FAN1: variants seen among roughly 807,000 people sequenced by gnomAD.
FAN1 encodes fanconi-associated nuclease 1.
Under a neutral mutation model 104.9 loss-of-function variants are expected in FAN1, and 91 were observed. The observed-to-expected ratio is 0.87, with a 90% CI of 0.73 to 1.03. The LOEUF (loss-of-function observed/expected upper bound fraction) is 1.03, where lower values mean the gene tolerates loss of function less well. FAN1 is among the 50% of genes least tolerant of loss of function. FAN1 has a pLI of 0.00. For synonymous variants in FAN1, 478 were observed against 457.6 expected (o/e 1.04, Z -0.57); for missense variants, 1,263 against 1,239.9 (o/e 1.02, Z -0.28).
intron 4 of FAN1, chr15:30,911,545 A>C (rs2062100611): frequency 1.0e-6 from 1 of 978,196 alleles, no homozygotes; most frequent in Non-Finnish European, 1.2e-6. Context: ...GGCAGACATT[A>C]AGAAAAATAT....
rs189429102 is a variant in FAN1, at chr15:30,939,247, C to T, written c.*3+1988C>T. On this transcript the variant is annotated intron_variant, in intron 14 of 14. Coordinates refer to ENST00000362065, the MANE Select transcript of FAN1 (RefSeq NM_014967.5). ...ATCAGTTTCCATCATAAAATAACAG[C>T]AAGACACTGTACACCTTTACGTTCA... 3.6e-3 allele frequency: 3,555 copies of T among 985,440 alleles called. 7 individuals are homozygous for T. Among genetic ancestry groups the T allele is most frequent in the Middle Eastern group, 4.2e-3 (8 of 1,914 alleles). 61.0% of individuals were successfully genotyped at this position (985,440 alleles called of 1,614,324 possible). A position where few individuals can be genotyped will look rare whatever the true frequency, so the allele number is the denominator to read the frequency against.
chr15:30,940,501 A>AG, intron 14 of FAN1: 1 of 985,480 alleles, frequency 1.0e-6, no homozygotes, highest in Non-Finnish European at 1.2e-6. Context: ...AGTTATTTCC[A>AG]GGGGGAAGTG....
Position 30,941,824 on chromosome 15 carries a change from GCACAGTTTC to G in FAN1, c.*271_*279del. On this transcript the variant is annotated 3_prime_UTR_variant, in exon 15 of 15. Coordinates refer to ENST00000362065, the MANE Select transcript of FAN1 (RefSeq NM_014967.5). ...GGGCCTCGGGAACCCAGCGGAAGTA[GCACAGTTTC>G]CACAGTTTTATGTGTGTTCCAGAGA... The G allele has an allele frequency of 2.5e-6, 4 of 1,614,072 alleles. No individual in the cohort carries two copies. Among genetic ancestry groups the G allele is most frequent in the Non-Finnish European group, 3.4e-6 (4 of 1,179,908 alleles).
intron 14 of FAN1, chr15:30,940,044 T>TATC (rs1249483497): frequency 2.3e-5 from 23 of 979,128 alleles, no homozygotes; most frequent in Non-Finnish European, 2.8e-5. Context: ...AAAATACAGT[T>TATC]ATCTTGAAAA....
At chr15:30,916,001 T>TCAAAA (rs2062191223) in intron 5 of FAN1, among the ~76,000 whole-genome samples, 1 of 152,210 alleles carries the variant, frequency 6.6e-6, no homozygotes, top group Admixed American at 6.5e-5. Context: ...AGAAGTAAGT[T>TCAAAA]ATTGAAATTT....
chr15:30,935,920 C>T (rs1016946455), intron 13 of FAN1, among the ~76,000 whole-genome samples: 5 of 151,948 alleles, frequency 3.3e-5, no homozygotes, highest in Non-Finnish European at 7.4e-5. Flanking sequence ...CCTAGGGTGC[C>T]GTTACATTTG....
Position 30,904,959 on chromosome 15 carries a change from C to G in FAN1, c.296C>G (p.Pro99Arg). The G allele has an allele frequency of 2.5e-6, 4 of 1,613,772 alleles. No homozygotes were observed. Among genetic ancestry groups the G allele is most frequent in the Non-Finnish European group, 2.5e-6 (3 of 1,179,866 alleles). Residue 99 changes from proline (P) to arginine (R), a missense_variant, in exon 2 of 15, where the codon CCT becomes CGT. By Grantham distance (103) the Pro-to-Arg change is moderately radical. Coordinates refer to ENST00000362065, the MANE Select transcript of FAN1 (RefSeq NM_014967.5). Reference sequence around the variant, plus strand: ...AGTGTTACCTTAGAAGATGTAACACCTAAGAAGTCACCACCACCAAAGACA... The same window carrying G: ...AGTGTTACCTTAGAAGATGTAACACGTAAGAAGTCACCACCACCAAAGACA... ...LTSVTLEDVT[P>R]KKSPPPKTNL... is the part of the protein sequence containing the mutation.
At position 30,929,832 on chromosome 15, in the gene FAN1, A is replaced by AAAATATATAATATATCAT. The variant is rs1555403212; in HGVS notation, c.2787+436_2787+437insAATATATAATATATCATA. On this transcript the variant is annotated intron_variant, in intron 12 of 14. Coordinates refer to ENST00000362065, the MANE Select transcript of FAN1 (RefSeq NM_014967.5). Reference sequence around the variant, plus strand: ...ATATATAATATATTATATCATATATAATATAATATATAAAATATATATCAT... The same window carrying AAAATATATAATATATCAT: ...ATATATAATATATTATATCATATATAAAATATATAATATATCATATATAATATATAAAATATATATCAT... Among the ~76,000 whole-genome samples, 55 of 65,482 alleles carry AAAATATATAATATATCAT rather than the reference A, an allele frequency of 8.4e-4. 5 individuals are homozygous for AAAATATATAATATATCAT. The highest frequency in any genetic ancestry group is 3.8e-3 in the African/African-American group (44 of 11,720). 43.0% of individuals were successfully genotyped at this position (65,482 alleles called of 152,430 possible).
chr15:30,938,795 T>TA lies in FAN1; in HGVS notation c.*3+1543dup, dbSNP rs561489357. 369 of 514,034 alleles carry TA rather than the reference T, an allele frequency of 7.2e-4. 1 individual carries two copies. Among genetic ancestry groups the TA allele is most frequent in the African/African-American group, 3.5e-3 (168 of 48,218 alleles). 31.8% of individuals were successfully genotyped at this position (514,034 alleles called of 1,614,324 possible). ...ACTTTAGCCACTTCCGAATTGCTGT[T>TA]AAAAAAAGTTACTGATCACTACCTG... is the stretch of plus-strand genomic sequence containing the variant. On this transcript the variant is annotated intron_variant, in intron 14 of 14. Transcript: ENST00000362065.
At chr15:30,923,609 C>G (rs2062388217) in intron 8 of FAN1, among the ~76,000 whole-genome samples, 1 of 152,204 alleles carries the variant, frequency 6.6e-6, no homozygotes, top group African/African-American at 2.4e-5. Flanking sequence ...AAGTGCTCTG[C>G]AGCCAGCCCC....
chr15:30,938,511 A>G (rs1319070976), intron 14 of FAN1, among the ~76,000 whole-genome samples: 2 of 152,066 alleles, frequency 1.3e-5, no homozygotes, highest in Non-Finnish European at 2.9e-5. Context: ...ATAACTAGAT[A>G]GGGGTATTTT....
intron 11 of FAN1, 70 bp from the exon 12 acceptor site, chr15:30,929,133 C>A: frequency 7.3e-7 from 1 of 1,378,666 alleles, no homozygotes; most frequent in Non-Finnish European, 1.0e-6. Flanking sequence ...TTTGTATGTA[C>A]TGACTAGTCC....
chr15:30,925,197 A>G lies in FAN1; in HGVS notation c.2243A>G (p.Gln748Arg). Residue 748 changes from glutamine (Q) to arginine (R), a missense_variant, in exon 9 of 15, where the codon CAG becomes CGG. By Grantham distance (43) the Gln-to-Arg change is conservative (BLOSUM62 1). Transcript: ENST00000362065. ...VRTGHRLSLY[Q>R]RAVRLRESPS... ...ACGGGACACCGCCTTTCACTGTATC[A>G]GCGAGCCGTGCGCCTGCGAGAGTCT... is the stretch of plus-strand genomic sequence containing the variant. 1.2e-6 allele frequency: 2 copies of G among 1,614,082 alleles called. No homozygotes were observed. Among genetic ancestry groups the G allele is most frequent in the Non-Finnish European group, 1.7e-6 (2 of 1,180,008 alleles).
chr15:30,933,802 G>A (rs2062780300), intron 13 of FAN1, among the ~76,000 whole-genome samples: 1 of 151,210 alleles, frequency 6.6e-6, no homozygotes, highest in African/African-American at 2.4e-5. Context: ...CTATCACCTA[G>A]GCTGGAGTGT....
chr15:30,913,683 C>G (rs1010786919), intron 4 of FAN1, among the ~76,000 whole-genome samples, 175 bp from the exon 5 acceptor site: 20 of 152,184 alleles, frequency 1.3e-4, no homozygotes, highest in Non-Finnish European at 2.5e-4. Context: ...GATGTACATT[C>G]ATTTACTCCT....
chr15:30,939,236 T>C (rs2062956195), intron 14 of FAN1: 12 of 985,440 alleles, frequency 1.2e-5, no homozygotes, highest in African/African-American at 1.7e-5. Flanking sequence ...GTTTCCATCA[T>C]AAAATAACAG....
chr15:30,942,787 G>A lies in FAN1; in HGVS notation c.*1225G>A, dbSNP rs936051516. 1.7e-6 allele frequency: 2 copies of A among 1,197,574 alleles called. No homozygotes were observed. The highest frequency in any genetic ancestry group is 1.7e-5 in the South Asian group (1 of 60,062). 74.2% of individuals were successfully genotyped at this position (1,197,574 alleles called of 1,614,324 possible). On this transcript the variant is annotated 3_prime_UTR_variant, in exon 15 of 15. Coordinates refer to ENST00000362065, the MANE Select transcript of FAN1 (RefSeq NM_014967.5). Reference sequence around the variant, plus strand: ...GACCCCTCAGAAACCCGCATTAGCAGTGTTACTCTTGGAAGTGCCTTTACT... The same window carrying A: ...GACCCCTCAGAAACCCGCATTAGCAATGTTACTCTTGGAAGTGCCTTTACT...
chr15:30,913,842 A>G lies in FAN1; in HGVS notation c.1578-16A>G, dbSNP rs1264145068. On this transcript the variant is annotated splice_polypyrimidine_tract_variant and intron_variant, in intron 4 of 14. Coordinates refer to ENST00000362065, the MANE Select transcript of FAN1 (RefSeq NM_014967.5). ...TTAAAAAGCTAAAAGTTATTTCTAC[A>G]TTGTACATTTTTCAGAGCCAAAGCC... The G allele has an allele frequency of 2.0e-6, 3 of 1,529,506 alleles. No individual in the cohort carries two copies. Among genetic ancestry groups the G allele is most frequent in the Admixed American group, 1.9e-5 (1 of 53,436 alleles). The allele number at this position is 1,529,506 out of a possible 1,614,324, so 94.7% of individuals were successfully genotyped here.
At chr15:30,929,484 A>C in intron 12 of FAN1, 87 bp downstream of exon 12, 1 of 867,778 alleles carries the variant, frequency 1.2e-6, no homozygotes, top group Non-Finnish European at 1.8e-6. Context: ...CAAAATACAC[A>C]TGTGTGTATA....
Sources: gnomAD v4.1 joint callset for allele counts (sites outside exome capture counted in the v4.1 genomes callset) on GRCh38, gnomAD v4.1.1 for gene constraint, MANE v1.5 for transcripts, NCBI Gene and HGNC (gene_info 2026-07-23, HGNC 2026-07-21) for gene names.